The following PIAS1 variants were observed in gnomAD, a reference collection of about 807,000 sequenced individuals.
The protein encoded by PIAS1 is protein inhibitor of activated STAT 1.
PIAS1 carries 6 observed loss-of-function variants against 71.3 expected under a neutral mutation model. The observed-to-expected ratio is 0.08, with a 90% CI of 0.05 to 0.17. PIAS1 has a LOEUF of 0.17. Among genes scored for constraint, PIAS1 ranks in the 10% least tolerant of loss-of-function variants. The pLI, the probability that PIAS1 is intolerant of heterozygous loss-of-function variation, is 1.00. For synonymous variants in PIAS1, 303 were observed against 292.9 expected, an observed-to-expected ratio of 1.03 and a Z score of -0.35; for missense variants, 555 against 793.6, an observed-to-expected ratio of 0.70 and a Z score of 3.61.
At chr15:68,161,430 T>C (rs995511385) in intron 7 of PIAS1, among the ~76,000 whole-genome samples, 1 of 151,690 alleles carries the variant, frequency 6.6e-6, no homozygotes, top group Non-Finnish European at 1.5e-5. Context: ...TTAAAAAATA[T>C]CTTTACAAGA....
rs1290244377 is a variant in PIAS1, at chr15:68,174,764, T to C, written c.1169+872T>C. Among the ~76,000 whole-genome samples, 2 of 152,154 alleles carry C rather than the reference T, an allele frequency of 1.3e-5. No homozygotes were observed. The highest frequency in any genetic ancestry group is 2.4e-5 in the African/African-American group (1 of 41,414). ...ACATAGGAGCCTAAAGGTGGTAATA[T>C]CAGAAATTAAGTATATTTAGCAATA... On this transcript the variant is annotated intron_variant, in intron 9 of 13. Coordinates refer to ENST00000249636, the MANE Select transcript of PIAS1 (RefSeq NM_016166.3). The surrounding 1 kb of genome is among the most constrained non-coding windows in gnomAD (Gnocchi z 4.0).
intron 2 of PIAS1, among the ~76,000 whole-genome samples, chr15:68,097,039 G>C (rs921141789): frequency 6.6e-6 from 1 of 152,092 alleles, no homozygotes; most frequent in Non-Finnish European, 1.5e-5. Flanking sequence ...TTAGTGGTGG[G>C]TTTTTCATAT....
chr15:68,100,099 A>G (rs772202079), intron 2 of PIAS1, among the ~76,000 whole-genome samples: 99 of 36,412 alleles, frequency 2.7e-3, no homozygotes, highest in South Asian at 0.012. Context: ...TTTCTTCGGG[A>G]AAAAAAAAAA....
chr15:68,126,427 A>G (rs1487600436), intron 2 of PIAS1, among the ~76,000 whole-genome samples: 2 of 151,974 alleles, frequency 1.3e-5, no homozygotes, highest in Admixed American at 1.3e-4. Flanking sequence ...TCTTTTTTTT[A>G]AACAATAACT....
At chr15:68,055,760 T>A in intron 1 of PIAS1, 1 of 538,280 alleles carries the variant, frequency 1.9e-6, no homozygotes, top group Middle Eastern at 2.9e-4. Flanking sequence ...TAAAAATTAT[T>A]TAATTTTTTC....
At chr15:68,102,941 T>G (rs949531448) in intron 2 of PIAS1, among the ~76,000 whole-genome samples, 2 of 152,138 alleles carry the variant, frequency 1.3e-5, no homozygotes, top group African/African-American at 4.8e-5. Context: ...ATTTCTTTTT[T>G]TTTTGAGACA....
chr15:68,192,046 A>C lies in PIAS1; in HGVS notation c.*4211A>C, dbSNP rs1267688531. ...ACTATTCAGTGATAAATATAGACATAGAAAAGCTTTGACGGAAAGTACCCT... is the reference window on the plus strand; with the variant it reads ...ACTATTCAGTGATAAATATAGACATCGAAAAGCTTTGACGGAAAGTACCCT... On this transcript the variant is annotated 3_prime_UTR_variant, in exon 14 of 14. Transcript: ENST00000249636. 6.6e-6 allele frequency: 1 copy of C among 152,236 alleles called. No homozygotes were observed. The highest frequency in any genetic ancestry group is 1.9e-4 in the East Asian group (1 of 5,204). The allele number at this position is 152,236 out of a possible 1,614,324, so 9.4% of individuals were successfully genotyped here.
chr15:68,067,815 A>T (rs114048302), intron 1 of PIAS1, among the ~76,000 whole-genome samples: 1 of 152,278 alleles, frequency 6.6e-6, no homozygotes, highest in South Asian at 2.1e-4. Flanking sequence ...TAAATAGAGC[A>T]TTCTAAAACC....
At chr15:68,107,148 AC>A (rs1333489005) in intron 2 of PIAS1, among the ~76,000 whole-genome samples, 1 of 152,120 alleles carries the variant, frequency 6.6e-6, no homozygotes, top group Non-Finnish European at 1.5e-5. Context: ...CTTCTTCTGA[AC>A]CTATAGGTTT....
intron 7 of PIAS1, among the ~76,000 whole-genome samples, chr15:68,154,415 T>A (rs78158656): frequency 0.018 from 2,721 of 152,096 alleles, 185 homozygotes; most frequent in Admixed American, 0.13. Flanking sequence ...GATTTAGGAG[T>A]GAGGGCTGGG....
chr15:68,159,588 G>T (rs1369253153), intron 7 of PIAS1, among the ~76,000 whole-genome samples: 2 of 152,000 alleles, frequency 1.3e-5, no homozygotes, highest in Non-Finnish European at 2.9e-5. Context: ...TTTGCGTCTG[G>T]CTTCTTTCAC....
intron 1 of PIAS1, among the ~76,000 whole-genome samples, chr15:68,070,434 A>C (rs1296522344): frequency 6.6e-6 from 1 of 152,192 alleles, no homozygotes; most frequent in Non-Finnish European, 1.5e-5. Context: ...AATGTCTAAG[A>C]TGTGGCCTCG....
At chr15:68,088,174 G>GTATATATATA (rs1193055165) in intron 2 of PIAS1, among the ~76,000 whole-genome samples, 2 of 27,942 alleles carry the variant, frequency 7.2e-5, no homozygotes, top group African/African-American at 2.7e-4. Flanking sequence ...GATTATGTGT[G>GTATATATATA]TGTATATATA....
chr15:68,173,651 G>A lies in PIAS1; in HGVS notation c.1009-81G>A, dbSNP rs1486513140. 9 of 967,802 alleles carry A rather than the reference G, an allele frequency of 9.3e-6. No homozygotes were observed. The highest frequency in any genetic ancestry group is 1.3e-5 in the Non-Finnish European group (9 of 680,292). The allele number at this position is 967,802 out of a possible 1,614,324, so 60.0% of individuals were successfully genotyped here. ...ATGCTTTAAATCAGCATGCCTACCT[G>A]TTGTGTTCTAGGAAATTTTTGTCAA... On this transcript the variant is annotated intron_variant, in intron 8 of 13. Transcript: ENST00000249636. This position sits in a 1 kb window ranked among gnomAD's most constrained non-coding sequence, Gnocchi z 4.3.
In PIAS1 at chr15:68,059,327, T is replaced by C. The variant is rs115275906; in HGVS notation, c.24+4977T>C. Among the ~76,000 whole-genome samples the C allele has an allele frequency of 8.9e-3, 1,361 of 152,230 alleles. 22 individuals are homozygous for C. The highest frequency in any genetic ancestry group is 0.031 in the African/African-American group (1,299 of 41,550). ...GCCAGGCCCAGATTATTCTCCTTTT[T>C]TTGCAGTGTGTTTGCAGACATGTAC... On this transcript the variant is annotated intron_variant, in intron 1 of 13. Coordinates refer to ENST00000249636, the MANE Select transcript of PIAS1 (RefSeq NM_016166.3).
chr15:68,114,888 AATTAT>A, intron 2 of PIAS1, among the ~76,000 whole-genome samples: 1 of 152,032 alleles, frequency 6.6e-6, no homozygotes, highest in Admixed American at 6.6e-5. Flanking sequence ...TTTGAGTTGT[AATTAT>A]ATTCTGCTTA....
chr15:68,065,915 C>CTTTTTTTTTTTTTTTTTTTT lies in PIAS1; in HGVS notation c.24+11574_24+11593dup, dbSNP rs869104577. On this transcript the variant is annotated intron_variant, in intron 1 of 13. Coordinates refer to ENST00000249636, the MANE Select transcript of PIAS1 (RefSeq NM_016166.3). The stretch of plus-strand genomic sequence containing the variant: ...GCCACCATGCTCAGCTGACTAAAAG[C>CTTTTTTTTTTTTTTTTTTTT]TTTTTTTTTTTTTTTTTTTTTTTTT... 1.2e-4 allele frequency among the ~76,000 whole-genome samples: 5 copies of CTTTTTTTTTTTTTTTTTTTT among 40,174 alleles called. 2 individuals are homozygous for CTTTTTTTTTTTTTTTTTTTT. The highest frequency in any genetic ancestry group is 6.6e-4 in the African/African-American group (5 of 7,532). 26.4% of individuals were successfully genotyped at this position (40,174 alleles called of 152,430 possible). A position where few individuals can be genotyped will look rare whatever the true frequency, so the allele number is the denominator to read the frequency against.
chr15:68,086,644 A>T lies in PIAS1; in HGVS notation c.363A>T (p.Glu121Asp). The change falls in exon 2 of 14, where the codon GAA (glutamate) becomes GAT (aspartate). Residue 121 changes from glutamate (E) to aspartate (D), a missense_variant. Glu to Asp is a conservative substitution (Grantham distance 45). This residue lies in a region of PIAS1 where 80 missense variants were observed against 66.9 expected (regional missense o/e 1.20). Transcript: ENST00000249636. The surrounding 1 kb of genome is among the most constrained non-coding windows in gnomAD (Gnocchi z 7.2). ...TTCTGGGACCTAAACATGAACTGGA[A>T]CTCCCACATCTTACATCAGCTCTTC... is the stretch of plus-strand genomic sequence containing the variant. ...VSLLGPKHEL[E>D]LPHLTSALHP... 3.7e-6 allele frequency: 6 copies of T among 1,612,920 alleles called. No individual in the cohort carries two copies. Among genetic ancestry groups the T allele is most frequent in the Non-Finnish European group, 5.1e-6 (6 of 1,179,056 alleles).
At chr15:68,065,920 T>TTTC (rs2092018293) in intron 1 of PIAS1, among the ~76,000 whole-genome samples, 1 of 30,048 alleles carries the variant, frequency 3.3e-5, no homozygotes, top group Non-Finnish European at 6.3e-5. Context: ...AAAAGCTTTT[T>TTTC]TTTTTTTTTT....
Sources: allele counts gnomAD v4.1 joint callset (sites outside exome capture counted in the v4.1 genomes callset), GRCh38; gene constraint gnomAD v4.1.1; regional missense constraint gnomAD v4.1.1; non-coding constraint Gnocchi (gnomAD v3.1); transcripts MANE v1.5; gene names NCBI Gene and HGNC (gene_info 2026-07-23, HGNC 2026-07-21).